Variants in GYG2 observed in about 807,000 individuals in gnomAD.
GYG2 encodes glycogenin-2.
Under a neutral mutation model 29.4 loss-of-function variants are expected in GYG2, and 29 were observed. That is an observed-to-expected ratio of 0.99 (90% CI 0.74 to 1.35). The LOEUF (loss-of-function observed/expected upper bound fraction) is 1.35. Ranked by LOEUF, GYG2 falls within the 40% of genes most tolerant of loss-of-function variation. GYG2 has a pLI of 0.00. For synonymous variants in GYG2, 167 were observed against 172.3 expected (o/e 0.97, Z 0.24); for missense variants, 370 against 385.7 (o/e 0.96, Z 0.34).
Position 2,881,309 on chromosome X carries a change from C to A in GYG2, c.*96C>A. On this transcript the variant is annotated 3_prime_UTR_variant, in exon 11 of 11. Coordinates refer to ENST00000398806, the MANE Select transcript of GYG2 (RefSeq NM_001079855.2). Reference sequence around the variant, plus strand: ...CCTCTGGTCCTTTCAAAGGGAAACGCTGTTGAACCTTGTGCCTCTATTTAT... The same window carrying A: ...CCTCTGGTCCTTTCAAAGGGAAACGATGTTGAACCTTGTGCCTCTATTTAT... 1.4e-6 allele frequency: 1 copy of A among 721,877 alleles called. No individual in the cohort carries two copies. Among genetic ancestry groups the A allele is most frequent in the Non-Finnish European group, 2.0e-6 (1 of 504,513 alleles). The allele number at this position is 721,877 out of a possible 1,213,427, so 59.5% of individuals were successfully genotyped here. A position where few individuals can be genotyped will look rare whatever the true frequency, so the allele number is the denominator to read the frequency against.
intron 3 of GYG2, among the ~76,000 whole-genome samples, chrX:2,849,558 A>G (rs2087821953): frequency 8.9e-6 from 1 of 112,046 alleles, no homozygotes; most frequent in Non-Finnish European, 1.9e-5. Flanking sequence ...AAATGTAGAC[A>G]CCAAGTGGTA....
intron 3 of GYG2, among the ~76,000 whole-genome samples, chrX:2,849,145 T>C (rs5982891): frequency 0.15 from 16,161 of 110,992 alleles, 882 homozygotes; most frequent in East Asian, 0.25. Context: ...TGAGCAGAGC[T>C]GAACAAAAAG....
rs188536546 is a variant in GYG2 at position 2,856,871 on chromosome X, C to T, written c.614+247C>T. ...TATCTGTATAGATAGATACCTATGTCTATGTGTCTGTGTATCTAGATCTCT... is the reference window on the plus strand; with the variant it reads ...TATCTGTATAGATAGATACCTATGTTTATGTGTCTGTGTATCTAGATCTCT... On this transcript the variant is annotated intron_variant, in intron 6 of 10. Coordinates refer to ENST00000398806, the MANE Select transcript of GYG2 (RefSeq NM_001079855.2). Among the ~76,000 whole-genome samples the T allele has an allele frequency of 4.6e-5, 5 of 108,531 alleles. No homozygotes were observed. The East Asian group carries it at 1.5e-3, about 32-fold the overall frequency. The allele number at this position is 108,531 out of a possible 115,157, so 94.2% of individuals were successfully genotyped here. A position where few individuals can be genotyped will look rare whatever the true frequency, so the allele number is the denominator to read the frequency against.
rs200587507 is a variant in GYG2 at position 2,844,554 on chromosome X, A to T, written c.149+1200A>T. 5.0e-5 allele frequency among the ~76,000 whole-genome samples: 3 copies of T among 60,097 alleles called. 1 individual carries two copies. In the Admixed American group the frequency reaches 5.7e-4, roughly 11 times the overall value. 52.2% of individuals were successfully genotyped at this position (60,097 alleles called of 115,157 possible). ...CGTATATATGTGTATACGCACACGCATGCGTATATGTGTATACGCACACGC... is the reference window on the plus strand; with the variant it reads ...CGTATATATGTGTATACGCACACGCTTGCGTATATGTGTATACGCACACGC... On this transcript the variant is annotated intron_variant, in intron 3 of 10. Transcript: ENST00000398806.
intron 2 of GYG2, among the ~76,000 whole-genome samples, chrX:2,837,570 C>A (rs1333702397): frequency 9.1e-6 from 1 of 110,491 alleles, no homozygotes; most frequent in Non-Finnish European, 1.9e-5. Flanking sequence ...CTCGGGAGTT[C>A]TCTTACCTTT....
At chrX:2,851,148 A>C (rs767528756) in intron 3 of GYG2, among the ~76,000 whole-genome samples, 10 of 111,974 alleles carry the variant, frequency 8.9e-5, no homozygotes, top group African/African-American at 3.2e-4. Flanking sequence ...AAACAAACAA[A>C]ATGTTGAAAA....
intron 3 of GYG2, among the ~76,000 whole-genome samples, chrX:2,844,596 A>G (rs868106173): frequency 1.7e-5 from 1 of 57,329 alleles, no homozygotes; most frequent in Admixed American, 2.1e-4. Flanking sequence ...ATATGTGTAT[A>G]CGCACACGCA....
Position 2,861,405 on chromosome X carries a change from G to A in GYG2, c.838-117G>A, listed in dbSNP as rs757539068. 22 of 528,817 alleles carry A rather than the reference G, an allele frequency of 4.2e-5. No individual in the cohort carries two copies. In the African/African-American group the frequency reaches 4.8e-4, roughly 12 times the overall value. The allele number at this position is 528,817 out of a possible 1,213,427, so 43.6% of individuals were successfully genotyped here. A position where few individuals can be genotyped will look rare whatever the true frequency, so the allele number is the denominator to read the frequency against. On this transcript the variant is annotated intron_variant, in intron 7 of 10. Transcript: ENST00000398806. ...AAAACATTTAGGACAATTATTTAAT[G>A]ATTGGCAGATGGGAGCTGGGAGCCC...
chrX:2,846,336 A>G (rs1367430950), intron 3 of GYG2, among the ~76,000 whole-genome samples: 1 of 107,954 alleles, frequency 9.3e-6, no homozygotes, highest in Non-Finnish European at 1.9e-5. Flanking sequence ...CAAAGTGCCA[A>G]AGTGCTGGGA....
chrX:2,834,624 G>A lies in GYG2; in HGVS notation c.7+4429G>A, dbSNP rs57438394. ...GGCCCAGCACCTAGCAGATTCTCGT[G>A]CCTGGGAATTGCCTGGGACGTGAAC... On this transcript the variant is annotated intron_variant, in intron 2 of 10. Coordinates refer to ENST00000398806, the MANE Select transcript of GYG2 (RefSeq NM_001079855.2). Among the ~76,000 whole-genome samples, 19 of 111,968 alleles carry A rather than the reference G, an allele frequency of 1.7e-4. No homozygotes were observed. The East Asian group carries it at 5.4e-3, about 32-fold the overall frequency.
chrX:2,875,458 G>A (rs1008691336), intron 8 of GYG2, among the ~76,000 whole-genome samples: 20 of 110,116 alleles, frequency 1.8e-4, no homozygotes, highest in Non-Finnish European at 3.8e-4. Flanking sequence ...TGGTAGAAGA[G>A]AGGATAGGAA....
chrX:2,840,915 A>C (rs995038261), intron 2 of GYG2, among the ~76,000 whole-genome samples: 2 of 111,526 alleles, frequency 1.8e-5, no homozygotes, highest in Non-Finnish European at 3.8e-5. Flanking sequence ...TGATAGGTGG[A>C]TAGATGGATG....
At chrX:2,846,072 T>A (rs1473751478) in intron 3 of GYG2, among the ~76,000 whole-genome samples, 1,406 of 38,589 alleles carry the variant, frequency 0.036, 57 homozygotes, top group African/African-American at 0.11. Flanking sequence ...TTTTTTTTTT[T>A]TTTTTTTTTT....
At chrX:2,873,132 G>A (rs2088512981) in intron 8 of GYG2, among the ~76,000 whole-genome samples, 1 of 111,395 alleles carries the variant, frequency 9.0e-6, no homozygotes, top group Non-Finnish European at 1.9e-5. Context: ...GGGCTGTCGC[G>A]ATTAAAAGGA....
intron 8 of GYG2, among the ~76,000 whole-genome samples, chrX:2,871,561 G>A (rs2088469783): frequency 9.1e-6 from 1 of 110,299 alleles, no homozygotes; most frequent in African/African-American, 3.3e-5. Context: ...ATGGTGGCAC[G>A]TGCCTGTAAT....
chrX:2,868,712 C>A (rs1206513082), intron 8 of GYG2, among the ~76,000 whole-genome samples: 2 of 110,376 alleles, frequency 1.8e-5, no homozygotes, highest in Non-Finnish European at 3.8e-5. Context: ...GGACAAATAG[C>A]TAATGCATGC....
At chrX:2,845,132 T>C (rs1406547558) in intron 3 of GYG2, among the ~76,000 whole-genome samples, 1 of 54,757 alleles carries the variant, frequency 1.8e-5, no homozygotes, top group Non-Finnish European at 3.5e-5. Context: ...TATATACACG[T>C]GTGTATGTAT....
At chrX:2,873,603 A>T (rs1438759229) in intron 8 of GYG2, among the ~76,000 whole-genome samples, 1 of 111,059 alleles carries the variant, frequency 9.0e-6, no homozygotes, top group Non-Finnish European at 1.9e-5. Context: ...CTACTCTCAT[A>T]GCAAATTTTA....
chrX:2,858,276 C>T (rs756403350), intron 6 of GYG2, among the ~76,000 whole-genome samples: 136 of 77,277 alleles, frequency 1.8e-3, no homozygotes, highest in African/African-American at 4.6e-3. Context: ...GCCTGCGCAA[C>T]ATGATGAAAC....
Sources: allele counts gnomAD v4.1 joint callset (sites outside exome capture counted in the v4.1 genomes callset), GRCh38; gene constraint gnomAD v4.1.1; transcripts MANE v1.5; gene names NCBI Gene and HGNC (gene_info 2026-07-23, HGNC 2026-07-21).